TAFA1: variants seen among roughly 807,000 people sequenced by gnomAD.
TAFA1 encodes the protein chemokine-like protein TAFA-1.
A neutral mutation model predicts 18.5 loss-of-function variants in TAFA1; 4 were observed. The ratio of observed to expected loss-of-function variants is 0.22; its 90% CI spans 0.11 to 0.49. The LOEUF is 0.49. Among genes scored for constraint, TAFA1 ranks in the 20% least tolerant of loss-of-function variants. The pLI is 0.98. For synonymous variants in TAFA1, 56 were observed against 55.2 expected, an observed-to-expected ratio of 1.01 and a Z score of -0.06; for missense variants, 147 against 169.0, an observed-to-expected ratio of 0.87 and a Z score of 0.72.
chr3:68,057,261 T>G (rs1475043824), intron 2 of TAFA1, among the ~76,000 whole-genome samples: 1 of 152,200 alleles, frequency 6.6e-6, no homozygotes, highest in Non-Finnish European at 1.5e-5. Context: ...ATTTCAGTTA[T>G]CTATGTTATG....
At chr3:68,422,041 C>T (rs2070963976) in intron 3 of TAFA1, among the ~76,000 whole-genome samples, 2 of 152,076 alleles carry the variant, frequency 1.3e-5, no homozygotes, top group Non-Finnish European at 2.9e-5. Context: ...GGGACTATTA[C>T]TACATTGTAA....
chr3:68,387,189 G>T (rs977818373), intron 2 of TAFA1, among the ~76,000 whole-genome samples: 2 of 152,054 alleles, frequency 1.3e-5, no homozygotes, highest in African/African-American at 2.4e-5. Flanking sequence ...CTGAAAGCAG[G>T]ACTAAAAGTT....
intron 2 of TAFA1, among the ~76,000 whole-genome samples, chr3:68,088,577 G>A (rs2064998002): frequency 6.6e-6 from 1 of 152,142 alleles, no homozygotes; most frequent in Non-Finnish European, 1.5e-5. Context: ...TAGCAATTTT[G>A]AACCTGTGCG....
intron 2 of TAFA1, among the ~76,000 whole-genome samples, chr3:68,198,537 A>AAATGCTGG (rs1434764887): frequency 1.3e-5 from 2 of 151,602 alleles, no homozygotes; most frequent in African/African-American, 4.8e-5. Context: ...CCCAGCATTT[A>AAATGCTGG]GTGTTGTCAG....
chr3:68,138,221 G>A (rs1033133452), intron 2 of TAFA1, among the ~76,000 whole-genome samples: 2 of 152,164 alleles, frequency 1.3e-5, no homozygotes, highest in Non-Finnish European at 2.9e-5. Context: ...AGAGCCATGT[G>A]ACAAGAAGTG....
At chr3:68,379,102 G>A (rs1250364261) in intron 2 of TAFA1, among the ~76,000 whole-genome samples, 1 of 152,072 alleles carries the variant, frequency 6.6e-6, no homozygotes, top group Admixed American at 6.6e-5. Flanking sequence ...TTCCACCATG[G>A]CTGAACAAAT....
chr3:68,084,708 G>A (rs77821724), intron 2 of TAFA1, among the ~76,000 whole-genome samples: 2 of 151,492 alleles, frequency 1.3e-5, no homozygotes, highest in African/African-American at 2.4e-5. Context: ...TCAGGCAGGA[G>A]AATCGCTTGA....
At chr3:68,386,984 A>G (rs2070118598) in intron 2 of TAFA1, among the ~76,000 whole-genome samples, 1 of 152,104 alleles carries the variant, frequency 6.6e-6, no homozygotes, top group Non-Finnish European at 1.5e-5. Context: ...CTTGCCCTAC[A>G]TCTAGATTGC....
chr3:68,530,630 A>C (rs2073175358), intron 3 of TAFA1, among the ~76,000 whole-genome samples: 1 of 152,152 alleles, frequency 6.6e-6, no homozygotes, highest in African/African-American at 2.4e-5. Context: ...TAATTAACTC[A>C]GTTCTAGGGG....
intron 2 of TAFA1, among the ~76,000 whole-genome samples, chr3:68,019,489 A>T (rs1055048236): frequency 6.6e-6 from 1 of 152,188 alleles, no homozygotes; most frequent in Non-Finnish European, 1.5e-5. Context: ...TCACACTGGA[A>T]AAGAATGCTC....
intron 2 of TAFA1, among the ~76,000 whole-genome samples, chr3:68,378,233 C>T (rs1180376838): frequency 6.6e-6 from 1 of 152,122 alleles, no homozygotes; most frequent in Non-Finnish European, 1.5e-5. Flanking sequence ...AATGCTAGCC[C>T]ATGAAAAGGC....
At chr3:68,259,056 C>A (rs539672884) in intron 2 of TAFA1, among the ~76,000 whole-genome samples, 2 of 152,258 alleles carry the variant, frequency 1.3e-5, no homozygotes, top group South Asian at 4.1e-4. Context: ...CTGGGGATGT[C>A]GATAAACCAC....
At chr3:68,057,607 C>G (rs556885640) in intron 2 of TAFA1, among the ~76,000 whole-genome samples, 1 of 152,268 alleles carries the variant, frequency 6.6e-6, no homozygotes, top group East Asian at 1.9e-4. Flanking sequence ...TATCCCAATC[C>G]ACAGAACCTG....
chr3:68,413,516 A>G (rs2070756230), intron 2 of TAFA1, among the ~76,000 whole-genome samples: 1 of 152,202 alleles, frequency 6.6e-6, no homozygotes, highest in South Asian at 2.1e-4. Context: ...TATCATCTCT[A>G]GAAAATGGAA....
At chr3:68,214,809 A>G (rs547795478) in intron 2 of TAFA1, among the ~76,000 whole-genome samples, 94 of 152,176 alleles carry the variant, frequency 6.2e-4, no homozygotes, top group African/African-American at 2.0e-3. Flanking sequence ...CATTACATTC[A>G]AAGGAGAATT....
chr3:68,327,054 A>G (rs1200926568), intron 2 of TAFA1, among the ~76,000 whole-genome samples: 1 of 152,164 alleles, frequency 6.6e-6, no homozygotes, highest in African/African-American at 2.4e-5. Context: ...TATTCTAGTG[A>G]TAGTGAATAA....
In TAFA1 at chr3:68,079,830, G is replaced by A. The variant is rs550795721; in HGVS notation, c.118+73086G>A. 2.4e-4 allele frequency among the ~76,000 whole-genome samples: 37 copies of A among 152,122 alleles called. 1 individual carries two copies. The highest frequency in any genetic ancestry group is 6.3e-4 in the African/African-American group (26 of 41,500). ...GAGCTCTGTAGATGTCTATTAGGTC[G>A]GCTTGGTGCAGAGCTGAGTTCAATT... is the stretch of plus-strand genomic sequence containing the variant. On this transcript the variant is annotated intron_variant, in intron 2 of 4. Coordinates refer to ENST00000478136, the MANE Select transcript of TAFA1 (RefSeq NM_213609.4).
intron 2 of TAFA1, among the ~76,000 whole-genome samples, chr3:68,076,464 C>T (rs1396187383): frequency 1.5e-5 from 2 of 129,318 alleles, no homozygotes; most frequent in Non-Finnish European, 3.3e-5. Flanking sequence ...CCCCTCCCCC[C>T]ACCCCCCACC....
At chr3:68,160,099 C>T (rs1193564503) in intron 2 of TAFA1, among the ~76,000 whole-genome samples, 4 of 152,180 alleles carry the variant, frequency 2.6e-5, no homozygotes, top group African/African-American at 9.6e-5. Flanking sequence ...AGCTCTTGGG[C>T]TTCTGCAAGG....
Sources: allele counts gnomAD v4.1 joint callset (sites outside exome capture counted in the v4.1 genomes callset), GRCh38; gene constraint gnomAD v4.1.1; transcripts MANE v1.5; gene names NCBI Gene and HGNC (gene_info 2026-07-23, HGNC 2026-07-21).